The following PTPRD variants were observed in gnomAD, a reference collection of about 807,000 sequenced individuals.
PTPRD encodes receptor-type tyrosine-protein phosphatase delta.
In PTPRD, 34 loss-of-function variants were observed where a neutral mutation model predicts 214.5. The observed-to-expected ratio is 0.16, with a 90% confidence interval of 0.12 to 0.21. PTPRD has a LOEUF of 0.21. PTPRD is among the 10% of genes least tolerant of loss of function. The pLI is 1.00. For missense variants in PTPRD, 2,545 were observed against 2,398.7 expected, an observed-to-expected ratio of 1.06 and a Z score of -1.27; for synonymous variants, 1,128 against 845.7, an observed-to-expected ratio of 1.33 and a Z score of -5.79.
intron 2 of PTPRD, among the ~76,000 whole-genome samples, chr9:10,342,394 A>T (rs1424319632): frequency 6.6e-6 from 1 of 152,198 alleles, no homozygotes; most frequent in East Asian, 1.9e-4. Context: ...GCCTTTTTAC[A>T]TTTCTATACA....
At chr9:9,243,254 C>A (rs551992492) in intron 9 of PTPRD, among the ~76,000 whole-genome samples, 2 of 152,184 alleles carry the variant, frequency 1.3e-5, no homozygotes, top group Non-Finnish European at 2.9e-5. Context: ...CTATTACAAT[C>A]AATAGAAAAA....
At chr9:9,686,278 G>C (rs2097165661) in intron 7 of PTPRD, among the ~76,000 whole-genome samples, 1 of 137,494 alleles carries the variant, frequency 7.3e-6, no homozygotes, top group Non-Finnish European at 1.6e-5. Flanking sequence ...TCTCATATTT[G>C]AGATGTATGT....
At chr9:10,321,461 A>T (rs1046284260) in intron 3 of PTPRD, among the ~76,000 whole-genome samples, 3 of 152,044 alleles carry the variant, frequency 2.0e-5, no homozygotes, top group African/African-American at 7.2e-5. Context: ...AGAAACAGAG[A>T]AGCTTAATAT....
At chr9:9,283,423 C>G (rs1247945710) in intron 9 of PTPRD, among the ~76,000 whole-genome samples, 1 of 151,334 alleles carries the variant, frequency 6.6e-6, no homozygotes, top group Non-Finnish European at 1.5e-5. Flanking sequence ...TTTACAGGTT[C>G]AATTATATCT....
intron 3 of PTPRD, among the ~76,000 whole-genome samples, chr9:10,079,468 A>C (rs1355598663): frequency 6.6e-6 from 1 of 152,122 alleles, no homozygotes; most frequent in African/African-American, 2.4e-5. Context: ...GCATCCAGGC[A>C]GGAGGCACTC....
intron 3 of PTPRD, among the ~76,000 whole-genome samples, chr9:10,067,900 G>A (rs114094418): frequency 6.6e-6 from 1 of 151,804 alleles, no homozygotes; most frequent in Non-Finnish European, 1.5e-5. Flanking sequence ...TCCCATTATG[G>A]TCAATTTCAA....
intron 2 of PTPRD, among the ~76,000 whole-genome samples, chr9:10,531,492 T>A (rs994146153): frequency 1.3e-5 from 2 of 152,118 alleles, no homozygotes; most frequent in African/African-American, 4.8e-5. Flanking sequence ...TATTAAATAA[T>A]GAAGTAATAT....
chr9:8,962,814 A>C (rs2099166051), intron 11 of PTPRD: 1 of 152,132 alleles, frequency 6.6e-6, no homozygotes, highest in South Asian at 2.1e-4. Flanking sequence ...CAAGCTACCA[A>C]AGGTAAAGCT....
At chr9:10,293,436 A>G (rs2095587302) in intron 3 of PTPRD, among the ~76,000 whole-genome samples, 2 of 151,984 alleles carry the variant, frequency 1.3e-5, no homozygotes, top group Non-Finnish European at 1.5e-5. Context: ...CCAGCATTTG[A>G]TATTATTTAC....
chr9:9,813,694 G>A (rs1746807), intron 5 of PTPRD, among the ~76,000 whole-genome samples: 124,253 of 152,064 alleles, frequency 0.82, 51,434 homozygotes, highest in African/African-American at 0.95. Context: ...AAATATTTAA[G>A]TGATTAAAAG....
chr9:9,996,714 A>C (rs1458895491), intron 4 of PTPRD, among the ~76,000 whole-genome samples: 1 of 152,228 alleles, frequency 6.6e-6, no homozygotes, highest in Non-Finnish European at 1.5e-5. Context: ...TCTAATTATT[A>C]GCTGACCACT....
intron 2 of PTPRD, among the ~76,000 whole-genome samples, chr9:10,576,830 C>G (rs1459615421): frequency 1.3e-5 from 2 of 152,018 alleles, no homozygotes; most frequent in Non-Finnish European, 2.9e-5. Flanking sequence ...AAAAAATTAA[C>G]CAAGTTAAAT....
chr9:10,217,483 T>C (rs967208860), intron 3 of PTPRD, among the ~76,000 whole-genome samples: 3 of 151,924 alleles, frequency 2.0e-5, no homozygotes, highest in African/African-American at 4.8e-5. Flanking sequence ...GTTAACCTTT[T>C]CTCAGCATAG....
chr9:9,456,768 A>G (rs115653131), intron 8 of PTPRD, among the ~76,000 whole-genome samples: 2,559 of 151,990 alleles, frequency 0.017, 57 homozygotes, highest in African/African-American at 0.058. Flanking sequence ...TGAGAAATAA[A>G]GAGGTTAAAT....
In PTPRD at chr9:9,819,768, C is replaced by T. The variant is rs10978011; in HGVS notation, c.-367-52917G>A. Among the ~76,000 whole-genome samples the T allele has an allele frequency of 2.6e-3, 402 of 152,190 alleles. 1 individual carries two copies. The highest frequency in any genetic ancestry group is 9.3e-3 in the African/African-American group (388 of 41,526). On this transcript the variant is annotated intron_variant, in intron 5 of 45. Coordinates refer to ENST00000381196, the MANE Select transcript of PTPRD (RefSeq NM_002839.4). ...TTATGAGTGAGAACATGTTCCTGCA[C>T]CAATTTGCTTAGGATAATGGCCTCC... is the stretch of plus-strand genomic sequence containing the variant.
At chr9:9,418,406 C>T (rs1307162890) in intron 8 of PTPRD, among the ~76,000 whole-genome samples, 1 of 151,966 alleles carries the variant, frequency 6.6e-6, no homozygotes, top group Non-Finnish European at 1.5e-5. Flanking sequence ...TTAAATATCT[C>T]TTGCACCTTA....
intron 3 of PTPRD, among the ~76,000 whole-genome samples, chr9:10,277,067 G>T (rs953792593): frequency 6.6e-6 from 1 of 152,114 alleles, no homozygotes; most frequent in African/African-American, 2.4e-5. Context: ...CCACCAGGTG[G>T]CAAAGACCCC....
chr9:8,650,839 A>G (rs1257298249), intron 12 of PTPRD, among the ~76,000 whole-genome samples: 2 of 150,972 alleles, frequency 1.3e-5, no homozygotes, highest in Non-Finnish European at 2.9e-5. Flanking sequence ...GTATGTGTCT[A>G]TGTCCCTTCC....
intron 9 of PTPRD, among the ~76,000 whole-genome samples, chr9:9,307,962 A>G (rs1193710476): frequency 1.3e-5 from 2 of 152,138 alleles, no homozygotes; most frequent in Non-Finnish European, 2.9e-5. Flanking sequence ...GCTGTGTAAT[A>G]GCAGACAAGC....
Sources: gnomAD v4.1 joint callset for allele counts (sites outside exome capture counted in the v4.1 genomes callset) on GRCh38, gnomAD v4.1.1 for gene constraint, MANE v1.5 for transcripts, NCBI Gene and HGNC (gene_info 2026-07-23, HGNC 2026-07-21) for gene names.